Variants in SLC12A6 observed in about 807,000 individuals in gnomAD.
SLC12A6 encodes K-Cl cotransporter 3.
Under a neutral mutation model 135.3 loss-of-function variants are expected in SLC12A6, and 66 were observed. That is an observed-to-expected ratio of 0.49 (90% CI 0.40 to 0.60). SLC12A6 has a LOEUF of 0.60. Ranked by LOEUF, SLC12A6 falls within the 20% of genes least tolerant of loss-of-function variation. The pLI is 0.00. For synonymous variants in SLC12A6, 513 were observed against 508.8 expected (o/e 1.01, Z -0.11); for missense variants, 1,058 against 1,452.3 (o/e 0.73, Z 4.41).
At chr15:34,318,508 T>C (rs2141115399) in intron 2 of SLC12A6, 5 of 1,411,306 alleles carry the variant, frequency 3.5e-6, no homozygotes, top group Non-Finnish European at 5.0e-6. Flanking sequence ...TCCTAGTTAC[T>C]TCTTTCATGA....
chr15:34,303,725 T>C (rs997635509), intron 2 of SLC12A6, among the ~76,000 whole-genome samples: 3 of 152,124 alleles, frequency 2.0e-5, no homozygotes, highest in Admixed American at 6.5e-5. Context: ...TGTAACAAAA[T>C]AGGGAGTTTG....
Position 34,231,188 on chromosome 15 carries a change from C to T in SLC12A6, c.*2693G>A, listed in dbSNP as rs1192763016. 2 of 152,170 alleles carry T rather than the reference C, an allele frequency of 1.3e-5. No homozygotes were observed. Among genetic ancestry groups the T allele is most frequent in the Admixed American group, 6.6e-5 (1 of 15,260 alleles). The allele number at this position is 152,170 out of a possible 1,614,324, so 9.4% of individuals were successfully genotyped here. ...ACCAACATCAGTTTCAGTAGAGAAA[C>T]CCCGTCTCTACTGAAAATACAAAAT... On this transcript the variant is annotated 3_prime_UTR_variant, in exon 26 of 26. Coordinates refer to ENST00000354181, the MANE Select transcript of SLC12A6 (RefSeq NM_001365088.1).
chr15:34,229,797 A>G lies in SLC12A6; in HGVS notation c.*4084T>C. 1 of 1,611,892 alleles carries G rather than the reference A, an allele frequency of 6.2e-7. No individual in the cohort carries two copies. The highest frequency in any genetic ancestry group is 2.2e-5 in the East Asian group (1 of 44,868). On this transcript the variant is annotated 3_prime_UTR_variant, in exon 26 of 26. Transcript: ENST00000354181. ...GAGGACTGCTTTTGTGAACATGAGA[A>G]AGCAGCGCCTGGTCCCTATGTATTT...
chr15:34,230,485 A>G lies in SLC12A6; in HGVS notation c.*3396T>C, dbSNP rs1445421399. On this transcript the variant is annotated 3_prime_UTR_variant, in exon 26 of 26. Transcript: ENST00000354181. The stretch of plus-strand genomic sequence containing the variant: ...TGCCGAAGGAACCTGGCACCTGTCA[A>G]GCAGATGCTGCAGTTCAAACTTCAG... 6.6e-6 allele frequency: 1 copy of G among 152,612 alleles called. No homozygotes were observed. 9.5% of individuals were successfully genotyped at this position (152,612 alleles called of 1,614,324 possible).
chr15:34,272,755 A>C (rs16958911), intron 3 of SLC12A6, among the ~76,000 whole-genome samples: 10 of 152,182 alleles, frequency 6.6e-5, no homozygotes, highest in African/African-American at 2.4e-4. Flanking sequence ...ACTGCAGGTG[A>C]TTAGCTGGGA....
At chr15:34,261,134 A>G (rs536617522) in intron 3 of SLC12A6, 114 bp from the exon 4 acceptor site, 136 of 710,674 alleles carry the variant, frequency 1.9e-4, no homozygotes, top group Non-Finnish European at 3.1e-4. Context: ...TTCATATTCA[A>G]ATTTAATCTT....
rs868371991 is a variant in SLC12A6 at position 34,283,482 on chromosome 15, C to A, written c.272-8093G>T. Among the ~76,000 whole-genome samples, 7 of 152,052 alleles carry A rather than the reference C, an allele frequency of 4.6e-5. 1 individual carries two copies. The South Asian group carries it at 1.5e-3, about 32-fold the overall frequency. On this transcript the variant is annotated intron_variant, in intron 2 of 25. Transcript: ENST00000354181. Reference sequence around the variant, plus strand: ...TGTCAGGACCTTTCTGAGGAGGTAACCCTTAAGGTGAGACTTGCATGAAAA... The same window carrying A: ...TGTCAGGACCTTTCTGAGGAGGTAAACCTTAAGGTGAGACTTGCATGAAAA...
chr15:34,239,628 C>T (rs12050753), intron 19 of SLC12A6, among the ~76,000 whole-genome samples: 25,261 of 152,154 alleles, frequency 0.17, 2,178 homozygotes, highest in East Asian at 0.28. Flanking sequence ...TCTTTTTCGC[C>T]TCTCCCATTC....
At position 34,251,035 on chromosome 15, in the gene SLC12A6, T is replaced by G. The variant is rs752608176; in HGVS notation, c.1356A>C (p.Leu452=). ...IITENLWSNY[L]PKGEIIEKPS... ...GCTTTTCGATGATCTCTCCCTTGGGTAGGTAATTACTCCAAAGATTCTCTG... is the reference window on the plus strand; with the variant it reads ...GCTTTTCGATGATCTCTCCCTTGGGGAGGTAATTACTCCAAAGATTCTCTG... Residue 452 remains leucine (L), a synonymous_variant, in exon 11 of 26, where the codon CTA becomes CTC. Transcript: ENST00000354181. 1 of 1,610,356 alleles carries G rather than the reference T, an allele frequency of 6.2e-7. No individual in the cohort carries two copies. Among genetic ancestry groups the G allele is most frequent in the South Asian group, 1.1e-5 (1 of 91,012 alleles).
chr15:34,270,301 G>A lies in SLC12A6; in HGVS notation c.316+5044C>T, dbSNP rs375376433. Among the ~76,000 whole-genome samples the A allele has an allele frequency of 3.8e-4, 57 of 148,940 alleles. 2 individuals carry two copies. The highest frequency in any genetic ancestry group is 1.4e-3 in the African/African-American group (52 of 38,466). On this transcript the variant is annotated intron_variant, in intron 3 of 25. Coordinates refer to ENST00000354181, the MANE Select transcript of SLC12A6 (RefSeq NM_001365088.1). ...AGATGGGTTCTTGCAATGTTGCCCA[G>A]TCTGATCTTGAACCCCTGGCCTCAA...
chr15:34,237,064 A>G, intron 22 of SLC12A6: 1 of 512,708 alleles, frequency 2.0e-6, no homozygotes, highest in Admixed American at 3.2e-5. Flanking sequence ...ACAAAATACA[A>G]ACTCCAGTCT....
chr15:34,295,246 C>T (rs922433281), intron 2 of SLC12A6, among the ~76,000 whole-genome samples: 1 of 152,066 alleles, frequency 6.6e-6, no homozygotes, highest in Non-Finnish European at 1.5e-5. Flanking sequence ...TATCCCAGAG[C>T]GCAGACATGA....
In SLC12A6 at chr15:34,263,896, T is replaced by C. The variant is rs574404612; in HGVS notation, c.317-2876A>G. Among the ~76,000 whole-genome samples the C allele has an allele frequency of 1.4e-4, 22 of 152,080 alleles. No homozygotes were observed. In the South Asian group the frequency reaches 4.6e-3, roughly 32 times the overall value. ...CAAACATTAAAAATAAATAATGTGA[T>C]GGATTGAAATGCAAATTTATGAAAT... On this transcript the variant is annotated intron_variant, in intron 3 of 25. Coordinates refer to ENST00000354181, the MANE Select transcript of SLC12A6 (RefSeq NM_001365088.1).
In SLC12A6 at chr15:34,237,481, T is replaced by C. The variant is rs1490624310; in HGVS notation, c.2872A>G (p.Lys958Glu). Residue 958 changes from lysine to glutamate, a missense_variant, in exon 22 of 26, where the codon AAG (lysine) becomes GAG (glutamate). Physicochemically the swap from Lys to Glu is moderately conservative, Grantham distance 56 (BLOSUM62 1). Around this residue, in one of 6 missense-constraint regions of SLC12A6, gnomAD observed 245 missense variants for 440.8 expected, o/e 0.56. Coordinates refer to ENST00000354181, the MANE Select transcript of SLC12A6 (RefSeq NM_001365088.1). ...TGATATAGGAAGGTGGCTAGGTCCT[T>C]CTTCATTTGGATACTGTTGTCTTCT... ...QLEDNSIQMK[K>E]DLATFLYHLR... 2 of 1,612,802 alleles carry C rather than the reference T, an allele frequency of 1.2e-6. No individual in the cohort carries two copies. The highest frequency in any genetic ancestry group is 2.2e-5 in the South Asian group (2 of 91,054).
At chr15:34,270,788 G>C (rs556465481) in intron 3 of SLC12A6, among the ~76,000 whole-genome samples, 1 of 149,668 alleles carries the variant, frequency 6.7e-6, no homozygotes, top group African/African-American at 2.5e-5. Context: ...GGGTGACAGA[G>C]CAAGATTCCA....
chr15:34,237,692 G>T, intron 21 of SLC12A6, 142 bp from the exon 22 acceptor site: 2 of 685,466 alleles, frequency 2.9e-6, no homozygotes, highest in Admixed American at 2.1e-5. Context: ...TACTTGCTAT[G>T]TTATTGTATT....
At chr15:34,277,205 C>A (rs950271207) in intron 2 of SLC12A6, among the ~76,000 whole-genome samples, 1 of 152,082 alleles carries the variant, frequency 6.6e-6, no homozygotes, top group Non-Finnish European at 1.5e-5. Context: ...TGAGCTGAGG[C>A]GGGAGGATCA....
chr15:34,260,752 C>T (rs1893062989), intron 4 of SLC12A6, among the ~76,000 whole-genome samples, 174 bp downstream of exon 4: 1 of 152,180 alleles, frequency 6.6e-6, no homozygotes, highest in African/African-American at 2.4e-5. Flanking sequence ...TTAATAGTTA[C>T]TCACTATAAT....
Position 34,236,165 on chromosome 15 carries a change from C to A in SLC12A6, c.3077G>T (p.Arg1026Leu), listed in dbSNP as rs764760014. 1 of 1,613,710 alleles carries A rather than the reference C, an allele frequency of 6.2e-7. No homozygotes were observed. Reference sequence around the variant, plus strand: ...CTCATCAGAGCCAATGCTGGTCAATCGTAGCATTGAGTTTCGGTCTTTCAC... The same window carrying A: ...CTCATCAGAGCCAATGCTGGTCAATAGTAGCATTGAGTTTCGGTCTTTCAC... ...QLVKDRNSML[R>L]LTSIGSDEDE... The change falls in exon 24 of 26, where the codon CGA becomes CTA. Residue 1026 changes from arginine (R) to leucine (L), a missense_variant. Physicochemically the swap from Arg to Leu is moderately radical, Grantham distance 102 (BLOSUM62 -2). Coordinates refer to ENST00000354181, the MANE Select transcript of SLC12A6 (RefSeq NM_001365088.1).
Sources: gnomAD v4.1 joint callset for allele counts (sites outside exome capture counted in the v4.1 genomes callset) on GRCh38, gnomAD v4.1.1 for gene constraint, gnomAD v4.1.1 regional missense constraint, MANE v1.5 for transcripts, NCBI Gene and HGNC (gene_info 2026-07-23, HGNC 2026-07-21) for gene names.